Variants in HMBOX1 observed in about 807,000 individuals in gnomAD.
The protein encoded by HMBOX1 is homeobox-containing protein 1.
Under a neutral mutation model 54.5 loss-of-function variants are expected in HMBOX1, and 14 were observed. The observed-to-expected ratio is 0.26, with a 90% CI of 0.17 to 0.40. HMBOX1 has a LOEUF of 0.40. Ranked by LOEUF, HMBOX1 falls within the 10% of genes least tolerant of loss-of-function variation. The pLI, the probability that HMBOX1 is intolerant of heterozygous loss-of-function variation, is 1.00. For synonymous variants in HMBOX1, 160 were observed against 181.0 expected, an observed-to-expected ratio of 0.88 and a Z score of 0.93; for missense variants, 332 against 514.4, an observed-to-expected ratio of 0.65 and a Z score of 3.43.
At chr8:29,047,584 T>C (rs1805771995) in intron 8 of HMBOX1, 131 bp downstream of exon 8, 2 of 495,512 alleles carry the variant, frequency 4.0e-6, no homozygotes, top group African/African-American at 4.5e-5. Context: ...TTTTTTTTTT[T>C]GAGACGGAGT....
intron 1 of HMBOX1, among the ~76,000 whole-genome samples, chr8:28,905,373 G>T (rs558274318): frequency 6.6e-6 from 1 of 151,674 alleles, no homozygotes; most frequent in East Asian, 2.0e-4. Context: ...ACACACACAC[G>T]CAGAGAGAGA....
In HMBOX1 at chr8:28,981,358, A is replaced by G. The variant is rs140481652; in HGVS notation, c.586+1202A>G. The stretch of plus-strand genomic sequence containing the variant: ...AGTGCGTTAGTTTAATTGTTGTAGT[A>G]TTTAGGTGTTTTTCTGTAGGATATT... On this transcript the variant is annotated intron_variant, in intron 4 of 9. Transcript: ENST00000287701. Among the ~76,000 whole-genome samples the G allele has an allele frequency of 4.8e-3, 725 of 152,294 alleles. 2 individuals are homozygous for G. The highest frequency in any genetic ancestry group is 0.017 in the African/African-American group (692 of 41,556).
chr8:28,921,351 A>T (rs1000032670), intron 1 of HMBOX1, among the ~76,000 whole-genome samples: 3 of 152,216 alleles, frequency 2.0e-5, no homozygotes, highest in African/African-American at 7.2e-5. Flanking sequence ...TACCTAAACC[A>T]AAAATATTTC....
intron 3 of HMBOX1, among the ~76,000 whole-genome samples, chr8:28,974,514 G>A (rs924723561): frequency 6.6e-6 from 1 of 152,036 alleles, no homozygotes; most frequent in African/African-American, 2.4e-5. Context: ...AACAACCCAT[G>A]TACTAAATTT....
At chr8:28,919,015 GTTCTTT>G (rs1254860297) in intron 1 of HMBOX1, among the ~76,000 whole-genome samples, 1 of 152,208 alleles carries the variant, frequency 6.6e-6, no homozygotes, top group Non-Finnish European at 1.5e-5. Context: ...AAACAGGGAA[GTTCTTT>G]TTCTTGAGGA....
intron 4 of HMBOX1, among the ~76,000 whole-genome samples, chr8:28,998,986 A>T (rs1280498538): frequency 6.6e-6 from 1 of 152,134 alleles, no homozygotes; most frequent in Non-Finnish European, 1.5e-5. Flanking sequence ...TGCATTATAT[A>T]GTTTTCTTTT....
At chr8:28,950,748 T>G (rs1823261621) in intron 1 of HMBOX1, among the ~76,000 whole-genome samples, 1 of 152,236 alleles carries the variant, frequency 6.6e-6, no homozygotes, top group Admixed American at 6.5e-5. Flanking sequence ...ATAAGTCTTC[T>G]CTGACATTTC....
rs144590772 is a variant in HMBOX1, at chr8:29,043,049, A to G, written c.852-2312A>G. On this transcript the variant is annotated intron_variant, in intron 6 of 9. Transcript: ENST00000287701. Reference sequence around the variant, plus strand: ...GTCTTTCTAGAAAACAGATGGGAGTATATCTCTGTGTATCTTGGAAACCTC... The same window carrying G: ...GTCTTTCTAGAAAACAGATGGGAGTGTATCTCTGTGTATCTTGGAAACCTC... Among the ~76,000 whole-genome samples, 10 of 152,266 alleles carry G rather than the reference A, an allele frequency of 6.6e-5. No homozygotes were observed. The East Asian group carries it at 1.9e-3, about 29-fold the overall frequency.
chr8:28,940,859 C>A (rs114407417), intron 1 of HMBOX1, among the ~76,000 whole-genome samples: 1 of 152,126 alleles, frequency 6.6e-6, no homozygotes, highest in African/African-American at 2.4e-5. Flanking sequence ...TATAAAATTA[C>A]GTTAAATAGC....
Position 29,040,406 on chromosome 8 carries a change from GT to G in HMBOX1, c.852-4951del, listed in dbSNP as rs767319686. ...ATTGTGTGTCTTTTCTCACAAAAAAGTTTTAAGAGTTTTGCAGTAAAAAAAT... is the reference window on the plus strand; with the variant it reads ...ATTGTGTGTCTTTTCTCACAAAAAAGTTTAAGAGTTTTGCAGTAAAAAAAT... On this transcript the variant is annotated intron_variant, in intron 6 of 9. Transcript: ENST00000287701. 9.7e-4 allele frequency among the ~76,000 whole-genome samples: 148 copies of G among 152,028 alleles called. 1 individual carries two copies. Among genetic ancestry groups the G allele is most frequent in the Non-Finnish European group, 1.9e-3 (127 of 67,988 alleles).
At chr8:28,910,424 C>T (rs1425886145) in intron 1 of HMBOX1, among the ~76,000 whole-genome samples, 1 of 152,072 alleles carries the variant, frequency 6.6e-6, no homozygotes, top group African/African-American at 2.4e-5. Flanking sequence ...TGGATAGGTA[C>T]CTAGAAGTGG....
At chr8:28,965,018 T>G (rs1288686895) in intron 2 of HMBOX1, among the ~76,000 whole-genome samples, 1 of 152,242 alleles carries the variant, frequency 6.6e-6, no homozygotes, top group Non-Finnish European at 1.5e-5. Flanking sequence ...CCTAGAAGTT[T>G]CTGAGATAGA....
chr8:29,008,874 A>G (rs977177844), intron 4 of HMBOX1, among the ~76,000 whole-genome samples, 198 bp from the exon 5 acceptor site: 34 of 152,182 alleles, frequency 2.2e-4, no homozygotes, highest in Admixed American at 2.2e-3. Context: ...CTTGACGTTG[A>G]AGAGATAATT....
chr8:28,939,715 G>T (rs1013493756), intron 1 of HMBOX1, among the ~76,000 whole-genome samples: 5 of 151,898 alleles, frequency 3.3e-5, no homozygotes, highest in Admixed American at 1.3e-4. Flanking sequence ...TCACTATGTT[G>T]GCCAGGCTGG....
intron 1 of HMBOX1, among the ~76,000 whole-genome samples, chr8:28,909,743 GACATAT>G (rs1194535010): frequency 6.6e-6 from 1 of 152,110 alleles, no homozygotes; most frequent in Non-Finnish European, 1.5e-5. Flanking sequence ...AAACTTTACT[GACATAT>G]AATTTATTTG....
Position 28,984,759 on chromosome 8 carries a change from G to A in HMBOX1, c.586+4603G>A, listed in dbSNP as rs540568532. ...TCAGGGTAAAATGTTTTCTTAGGCT[G>A]TTTAAGAATGCTTAAAACATAATTT... On this transcript the variant is annotated intron_variant, in intron 4 of 9. Transcript: ENST00000287701. Among the ~76,000 whole-genome samples the A allele has an allele frequency of 2.4e-3, 365 of 152,252 alleles. 1 individual carries two copies. Among genetic ancestry groups the A allele is most frequent in the Non-Finnish European group, 2.9e-3 (195 of 68,002 alleles).
chr8:29,047,290 C>A, intron 7 of HMBOX1, 68 bp from the exon 8 acceptor site: 1 of 878,796 alleles, frequency 1.1e-6, no homozygotes. Flanking sequence ...AAAATATTAG[C>A]CCTTAAAACT....
intron 4 of HMBOX1, among the ~76,000 whole-genome samples, chr8:28,993,026 C>G: frequency 7.0e-6 from 1 of 142,936 alleles, no homozygotes; most frequent in East Asian, 2.1e-4. Flanking sequence ...GTCTATTGTC[C>G]TTTTATGCCA....
chr8:28,941,161 C>A (rs1298076224), intron 1 of HMBOX1, among the ~76,000 whole-genome samples: 1 of 152,064 alleles, frequency 6.6e-6, no homozygotes, highest in Non-Finnish European at 1.5e-5. Flanking sequence ...GGTTTCAGCA[C>A]AAACTATCTT....
Sources: gnomAD v4.1 joint callset for allele counts (sites outside exome capture counted in the v4.1 genomes callset) on GRCh38, gnomAD v4.1.1 for gene constraint, MANE v1.5 for transcripts, NCBI Gene and HGNC (gene_info 2026-07-23, HGNC 2026-07-21) for gene names.